Variants in NLRP11 observed in about 807,000 individuals in gnomAD.
The protein encoded by NLRP11 is NACHT, LRR and PYD domains-containing protein 11.
In NLRP11, 53 loss-of-function variants were observed where a neutral mutation model predicts 79.3. That is an observed-to-expected ratio of 0.67 (90% CI 0.54 to 0.84). The LOEUF (loss-of-function observed/expected upper bound fraction) is 0.84. Among genes scored for constraint, NLRP11 ranks in the 40% least tolerant of loss-of-function variants. NLRP11 has a pLI of 0.00. For synonymous variants in NLRP11, 518 were observed against 462.6 expected (o/e 1.12, Z -1.54); for missense variants, 1,264 against 1,255.0 (o/e 1.01, Z -0.11).
At chr19:55,802,827 A>G (rs2122779451) in intron 4 of NLRP11, among the ~76,000 whole-genome samples, 1 of 152,334 alleles carries the variant, frequency 6.6e-6, no homozygotes, top group East Asian at 1.9e-4. Context: ...CACATAGACC[A>G]ACAGAACAGA....
At chr19:55,819,342 A>T (rs1310083239) in intron 1 of NLRP11, among the ~76,000 whole-genome samples, 1 of 152,134 alleles carries the variant, frequency 6.6e-6, no homozygotes, top group African/African-American at 2.4e-5. Flanking sequence ...CCAAAAAAGC[A>T]TGTGTGCAAC....
At chr19:55,795,583 G>A (rs1032874141) in intron 6 of NLRP11, among the ~76,000 whole-genome samples, 10 of 151,972 alleles carry the variant, frequency 6.6e-5, no homozygotes, top group Admixed American at 1.3e-4. Flanking sequence ...TCCGCCTCCC[G>A]GGTTCAAGCA....
At chr19:55,803,378 A>T (rs1241927896) in intron 4 of NLRP11, among the ~76,000 whole-genome samples, 1 of 152,146 alleles carries the variant, frequency 6.6e-6, no homozygotes, top group Non-Finnish European at 1.5e-5. Context: ...AAACTAGGCA[A>T]TACCATTCTG....
chr19:55,806,363 A>G (rs967886542), intron 4 of NLRP11, among the ~76,000 whole-genome samples: 3 of 152,236 alleles, frequency 2.0e-5, no homozygotes, highest in Admixed American at 2.0e-4. Context: ...CCTTCCTCAG[A>G]TTCTGGCTCT....
intron 1 of NLRP11, among the ~76,000 whole-genome samples, chr19:55,829,323 G>T (rs890660456): frequency 6.6e-6 from 1 of 151,956 alleles, no homozygotes; most frequent in African/African-American, 2.4e-5. Flanking sequence ...ACAAGGACAT[G>T]ATTAGATATT....
chr19:55,814,195 T>C (rs974467781), intron 2 of NLRP11, among the ~76,000 whole-genome samples: 5 of 152,076 alleles, frequency 3.3e-5, no homozygotes, highest in African/African-American at 1.2e-4. Flanking sequence ...GGGATATAGG[T>C]TGCACCCTCC....
rs1194398900 is a variant in NLRP11, at chr19:55,789,346, A to G, written c.2567T>C (p.Ile856Thr). The change falls in exon 8 of 10, where the codon ATT (isoleucine) becomes ACT (threonine). Residue 856 changes from isoleucine to threonine, a missense_variant. By Grantham distance (89) the Ile-to-Thr change is moderately conservative. Coordinates refer to ENST00000589093, the Ensembl canonical transcript of NLRP11. ...GCTCCTCAGTTTTTCATTAGTAGCA[A>G]TAACTATGGCAATATATTGACAGAT... The G allele has an allele frequency of 1.9e-6, 3 of 1,614,010 alleles. No individual in the cohort carries two copies. The African/African-American group carries it at 4.0e-5, about 22-fold the overall frequency.
At chr19:55,798,552 T>C (rs759914186) in intron 5 of NLRP11, among the ~76,000 whole-genome samples, 8 of 151,910 alleles carry the variant, frequency 5.3e-5, no homozygotes, top group Admixed American at 1.3e-4. Context: ...AATAAAAATA[T>C]CTATGAGGTA....
chr19:55,833,679 A>G (rs934550081), upstream of NLRP11, among the ~76,000 whole-genome samples: 12 of 148,782 alleles, frequency 8.1e-5, no homozygotes, highest in African/African-American at 2.5e-4. Flanking sequence ...GAGGCAGGAG[A>G]ATTACTTGAG....
chr19:55,824,020 C>T (rs1334015537), intron 1 of NLRP11, among the ~76,000 whole-genome samples: 6 of 110,452 alleles, frequency 5.4e-5, no homozygotes, highest in East Asian at 2.7e-4. Context: ...AGAGAAAGGT[C>T]GGGTTACCCT....
intron 1 of NLRP11, among the ~76,000 whole-genome samples, chr19:55,819,234 C>A (rs551395779): frequency 1.3e-5 from 2 of 151,756 alleles, no homozygotes; most frequent in Non-Finnish European, 2.9e-5. Flanking sequence ...GGTTCCCCAT[C>A]TTCCTGTCCT....
upstream of NLRP11, among the ~76,000 whole-genome samples, chr19:55,835,849 C>A (rs1470984715): frequency 6.6e-6 from 1 of 151,128 alleles, no homozygotes; most frequent in African/African-American, 2.4e-5. Flanking sequence ...CGAGGCCAGG[C>A]ACAGTGGCTC....
At chr19:55,792,414 C>A in exon 7 of NLRP11, 1 of 1,614,140 alleles carries the variant, frequency 6.2e-7, no homozygotes, top group Middle Eastern at 1.6e-4. Flanking sequence ...TTGGGCTGAA[C>A]AGAAGCACTC....
chr19:55,804,630 A>G (rs993426612), intron 4 of NLRP11, among the ~76,000 whole-genome samples: 1 of 152,156 alleles, frequency 6.6e-6, no homozygotes, highest in African/African-American at 2.4e-5. Flanking sequence ...GAGGATCAGG[A>G]AAAAATAAAT....
chr19:55,799,332 G>T (rs1349328884), intron 5 of NLRP11, among the ~76,000 whole-genome samples: 1 of 152,284 alleles, frequency 6.6e-6, no homozygotes, highest in South Asian at 2.1e-4. Flanking sequence ...AGAAATGTTT[G>T]TAAATAAGTA....
chr19:55,814,911 A>AC (rs1393444785), intron 2 of NLRP11, among the ~76,000 whole-genome samples: 1 of 152,224 alleles, frequency 6.6e-6, no homozygotes, highest in Non-Finnish European at 1.5e-5. Flanking sequence ...CCACAGGGAG[A>AC]TGGTGAGTGA....
At position 55,819,126 on chromosome 19, in the gene NLRP11, T is replaced by TACAGAC. The variant is rs1491154998; in HGVS notation, c.-62-891_-62-890insGTCTGT. ...CCCCACTGTACTGAGTGGTATCGCC[T>TACAGAC]ACACACACACACACACACACACACA... On this transcript the variant is annotated intron_variant, in intron 1 of 9. Coordinates refer to ENST00000589093, the Ensembl canonical transcript of NLRP11. Among the ~76,000 whole-genome samples, 19 of 105,266 alleles carry TACAGAC rather than the reference T, an allele frequency of 1.8e-4. No individual in the cohort carries two copies. The East Asian group carries it at 2.9e-3, about 16-fold the overall frequency. 69.1% of individuals were successfully genotyped at this position (105,266 alleles called of 152,430 possible). A position where few individuals can be genotyped will look rare whatever the true frequency, so the allele number is the denominator to read the frequency against.
chr19:55,809,277 G>A lies in NLRP11; in HGVS notation c.1333C>T (p.Arg445Cys), dbSNP rs1365147250. ...ACGTTCAAGTGTATGAACTTGTAAC[G>A]GTCTTTATGAGTGTTGCTCGGCAAA... is the stretch of plus-strand genomic sequence containing the variant. Residue 445 changes from arginine to cysteine, a missense_variant, in exon 3 of 10, where the codon CGT (arginine) becomes TGT (cysteine). Transcript: ENST00000589093. The surrounding 1 kb of genome is among the most constrained non-coding windows in gnomAD (Gnocchi z 4.5). The A allele has an allele frequency of 3.7e-6, 6 of 1,613,804 alleles. No individual in the cohort carries two copies. Among genetic ancestry groups the A allele is most frequent in the Admixed American group, 1.7e-5 (1 of 59,986 alleles).
intron 5 of NLRP11, chr19:55,801,016 C>T (rs1445968222): frequency 1.3e-5 from 2 of 152,254 alleles, no homozygotes; most frequent in Non-Finnish European, 2.9e-5. Context: ...CCTGTCTCTA[C>T]TAAATATACA....
Sources: allele counts gnomAD v4.1 joint callset (sites outside exome capture counted in the v4.1 genomes callset), GRCh38; gene constraint gnomAD v4.1.1; non-coding constraint Gnocchi (gnomAD v3.1); transcripts MANE v1.5; gene names NCBI Gene and HGNC (gene_info 2026-07-23, HGNC 2026-07-21).